The following SLC38A7 variants were observed in gnomAD, a reference collection of about 807,000 sequenced individuals.
SLC38A7 encodes solute carrier family 38 member 7.
In SLC38A7, 29 loss-of-function variants were observed where a neutral mutation model predicts 50.1. The ratio of observed to expected loss-of-function variants is 0.58; its 90% CI spans 0.43 to 0.79. SLC38A7 has a LOEUF of 0.79. Among genes scored for constraint, SLC38A7 ranks in the 30% least tolerant of loss-of-function variants. The probability of loss-of-function intolerance (pLI) is 0.00; values close to 1 mark genes in which losing one functional copy is unlikely to be tolerated. For missense variants in SLC38A7, 483 were observed against 610.6 expected (o/e 0.79, Z 2.20); for synonymous variants, 244 against 245.9 (o/e 0.99, Z 0.07).
chr16:58,675,069 T>G (rs1244439977), intron 8 of SLC38A7: 5 of 182,736 alleles, frequency 2.7e-5, no homozygotes, highest in East Asian at 1.7e-4. Flanking sequence ...CCTGCCTCAG[T>G]GATTTGGTGT....
chr16:58,675,833 G>C, intron 8 of SLC38A7, 107 bp downstream of exon 8: 1 of 829,630 alleles, frequency 1.2e-6, no homozygotes, highest in Non-Finnish European at 1.9e-6. Context: ...TACAAGTCAT[G>C]CTGGGAATGC....
At position 58,670,094 on chromosome 16, in the gene SLC38A7, G is replaced by C. The variant is rs1390550532; in HGVS notation, c.1286+19C>G. The stretch of plus-strand genomic sequence containing the variant: ...TCCAGCACCTCCCTGAGAGGATCAA[G>C]GGCTGGGTCCTGCTTTACCTGGCTG... On this transcript the variant is annotated intron_variant, in intron 11 of 11. Transcript: ENST00000219320. 7 of 1,613,676 alleles carry C rather than the reference G, an allele frequency of 4.3e-6. No homozygotes were observed. In the African/African-American group the frequency reaches 6.7e-5, roughly 15 times the overall value.
chr16:58,676,960 C>CT (rs35302965), intron 6 of SLC38A7, among the ~76,000 whole-genome samples: 35 of 150,478 alleles, frequency 2.3e-4, no homozygotes, highest in African/African-American at 6.6e-4. Context: ...GGCCCCCCCC[C>CT]TTTTTTTTTA....
At chr16:58,676,164 C>T in intron 7 of SLC38A7, 110 bp from the exon 8 acceptor site, 2 of 1,541,560 alleles carry the variant, frequency 1.3e-6, no homozygotes, top group Non-Finnish European at 1.8e-6. Flanking sequence ...AGTCCTGAGG[C>T]CCCTGTTCCA....
Position 58,667,161 on chromosome 16 carries a change from TC to T in SLC38A7, c.*223del. The T allele has an allele frequency of 1.9e-6, 1 of 525,668 alleles. No homozygotes were observed. Among genetic ancestry groups the T allele is most frequent in the Non-Finnish European group, 3.4e-6 (1 of 295,880 alleles). The allele number at this position is 525,668 out of a possible 1,614,324, so 32.6% of individuals were successfully genotyped here. A position where few individuals can be genotyped will look rare whatever the true frequency, so the allele number is the denominator to read the frequency against. ...GAGGGGTCCTCTATGATGTGAGACT[TC>T]CTGCCGCCATCCACGGCACTGCCAG... On this transcript the variant is annotated 3_prime_UTR_variant, in exon 12 of 12. Transcript: ENST00000219320.
chr16:58,677,224 C>A, intron 6 of SLC38A7, 102 bp downstream of exon 6: 1 of 950,352 alleles, frequency 1.1e-6, no homozygotes, highest in Non-Finnish European at 1.7e-6. Flanking sequence ...GCTCATGAGC[C>A]TTGAGAAGAG....
In SLC38A7 at chr16:58,680,227, A is replaced by G; in HGVS notation, c.-101T>C. 7.4e-7 allele frequency: 1 copy of G among 1,356,168 alleles called. No homozygotes were observed. 84.0% of individuals were successfully genotyped at this position (1,356,168 alleles called of 1,614,324 possible). A position where few individuals can be genotyped will look rare whatever the true frequency, so the allele number is the denominator to read the frequency against. The stretch of plus-strand genomic sequence containing the variant: ...CCCACCTGTTTGGGGCTGTTAGCTT[A>G]GGACTCTTCTCAACCTAGATGGGAC... On this transcript the variant is annotated 5_prime_UTR_variant, in exon 3 of 12. Coordinates refer to ENST00000219320, the MANE Select transcript of SLC38A7 (RefSeq NM_018231.3).
At position 58,677,380 on chromosome 16, in the gene SLC38A7, A is replaced by G. The variant is rs567627870; in HGVS notation, c.656T>C (p.Ile219Thr). Residue 219 changes from isoleucine to threonine, a missense_variant, in exon 6 of 12, where the codon ATC becomes ACC. Coordinates refer to ENST00000219320, the MANE Select transcript of SLC38A7 (RefSeq NM_018231.3). ...TTTATCTGGCCAGATGTACTTGATG[A>G]TAACGATGGCTGTGACGTACCAGGT... ...VGTWYVTAIV[I>T]IKYIWPDKEM... is the part of the protein sequence containing the mutation. 2.5e-6 allele frequency: 4 copies of G among 1,613,572 alleles called. No individual in the cohort carries two copies. In the East Asian group the frequency reaches 6.7e-5, roughly 27 times the overall value.
chr16:58,671,874 T>C (rs56090793), intron 9 of SLC38A7: 77,244 of 444,300 alleles, frequency 0.17, 7,534 homozygotes, highest in Non-Finnish European at 0.2. Context: ...ATGCCATGGA[T>C]AGAGATTCTT....
intron 5 of SLC38A7, chr16:58,677,625 A>G: frequency 3.5e-6 from 2 of 573,242 alleles, no homozygotes; most frequent in Non-Finnish European, 6.3e-6. Context: ...GACAGCCAAC[A>G]GGGGACCTGA....
chr16:58,667,595 G>A (rs745518004), intron 11 of SLC38A7, 108 bp from the exon 12 acceptor site: 11 of 833,572 alleles, frequency 1.3e-5, no homozygotes, highest in Non-Finnish European at 2.0e-5. Flanking sequence ...TCTCCTGTTG[G>A]TAGAGCACTT....
chr16:58,673,514 C>T lies in SLC38A7; in HGVS notation c.884-1271G>A, dbSNP rs1307130270. ...AAGTGCTGGGATTACAGGCGTGAGC[C>T]ACCACGCCCAGCCCTAATTTTTTTA... On this transcript the variant is annotated intron_variant, in intron 8 of 11. Coordinates refer to ENST00000219320, the MANE Select transcript of SLC38A7 (RefSeq NM_018231.3). Among the ~76,000 whole-genome samples, 4 of 152,070 alleles carry T rather than the reference C, an allele frequency of 2.6e-5. No homozygotes were observed. The East Asian group carries it at 7.8e-4, about 30-fold the overall frequency.
At chr16:58,669,868 G>A (rs1434134562) in intron 11 of SLC38A7, among the ~76,000 whole-genome samples, 3 of 151,794 alleles carry the variant, frequency 2.0e-5, no homozygotes, top group Non-Finnish European at 2.9e-5. Context: ...CTAGCTACTC[G>A]GGAGGCTGAG....
At chr16:58,668,930 C>T (rs1044497612) in intron 11 of SLC38A7, among the ~76,000 whole-genome samples, 4 of 149,582 alleles carry the variant, frequency 2.7e-5, no homozygotes, top group African/African-American at 7.3e-5. Flanking sequence ...CCACCACAAC[C>T]AGGTAATTTT....
In SLC38A7 at chr16:58,678,410, G is replaced by A. The variant is rs138033100; in HGVS notation, c.534C>T (p.Phe178=). ...AGAGGAAGGCAGTGAGGCTGATGGT[G>A]AACTTGCGGTCTGTGTACCAAGGGC... The part of the protein sequence containing the change: ...ASGPWYTDRK[F]TISLTAFLFI... The change falls in exon 5 of 12, where the codon TTC becomes TTT. Residue 178 remains phenylalanine (F), a synonymous_variant. Coordinates refer to ENST00000219320, the MANE Select transcript of SLC38A7 (RefSeq NM_018231.3). This position sits in a 1 kb window ranked among gnomAD's most constrained non-coding sequence, Gnocchi z 4.0. 11 of 1,600,726 alleles carry A rather than the reference G, an allele frequency of 6.9e-6. No individual in the cohort carries two copies. The African/African-American group carries it at 1.1e-4, about 16-fold the overall frequency.
chr16:58,682,642 T>TG (rs1263086685), intron 2 of SLC38A7, among the ~76,000 whole-genome samples: 2 of 151,894 alleles, frequency 1.3e-5, no homozygotes, highest in Non-Finnish European at 2.9e-5. Context: ...AAAATTTTTT[T>TG]TTTTTTTGAG....
Position 58,680,161 on chromosome 16 carries a change from G to A in SLC38A7, c.-35C>T, listed in dbSNP as rs201617705. The A allele has an allele frequency of 8.2e-5, 123 of 1,505,154 alleles. No homozygotes were observed. The African/African-American group carries it at 1.6e-3, about 20-fold the overall frequency. The allele number at this position is 1,505,154 out of a possible 1,614,324, so 93.2% of individuals were successfully genotyped here. ...AGCCTTCTTCCTGCAAGGTCTGTGG[G>A]TTCTGCCTTACAACCACATGCCTCA... is the stretch of plus-strand genomic sequence containing the variant. On this transcript the variant is annotated 5_prime_UTR_variant, in exon 3 of 12. Coordinates refer to ENST00000219320, the MANE Select transcript of SLC38A7 (RefSeq NM_018231.3).
At chr16:58,680,316 T>C (rs768422331) in intron 2 of SLC38A7, 75 bp from the exon 3 acceptor site, 110 of 590,376 alleles carry the variant, frequency 1.9e-4, no homozygotes, top group Non-Finnish European at 2.7e-4. Flanking sequence ...GTAATAACTT[T>C]CCCAAGATCA....
chr16:58,681,209 A>G (rs1291025536), intron 2 of SLC38A7, among the ~76,000 whole-genome samples: 1 of 152,178 alleles, frequency 6.6e-6, no homozygotes, highest in Non-Finnish European at 1.5e-5. Flanking sequence ...ACCAAAGAGG[A>G]AGCTGAATCC....
Sources: gnomAD v4.1 joint callset for allele counts (sites outside exome capture counted in the v4.1 genomes callset) on GRCh38, gnomAD v4.1.1 for gene constraint, Gnocchi (gnomAD v3.1) non-coding constraint, MANE v1.5 for transcripts, NCBI Gene and HGNC (gene_info 2026-07-23, HGNC 2026-07-21) for gene names.